Variants in MIPOL1 observed in about 807,000 individuals in gnomAD.
The protein encoded by MIPOL1 is mirror-image polydactyly gene 1 protein.
In MIPOL1, 57 loss-of-function variants were observed where a neutral mutation model predicts 60.9. The observed-to-expected ratio is 0.94, with a 90% confidence interval of 0.76 to 1.17. The LOEUF (loss-of-function observed/expected upper bound fraction) is 1.17. MIPOL1 is among the 50% of genes most tolerant of loss of function. MIPOL1 has a pLI of 0.00. For missense variants in MIPOL1, 551 were observed against 511.6 expected, an observed-to-expected ratio of 1.08 and a Z score of -0.74; for synonymous variants, 179 against 168.8, an observed-to-expected ratio of 1.06 and a Z score of -0.47.
chr14:37,551,520 A>G (rs1488538518), downstream of MIPOL1: 1 of 152,094 alleles, frequency 6.6e-6, no homozygotes. Context: ...TTGAAGAGAA[A>G]TATCATTTTT....
At chr14:37,388,432 G>A (rs1172335255) in intron 10 of MIPOL1, among the ~76,000 whole-genome samples, 1 of 150,676 alleles carries the variant, frequency 6.6e-6, no homozygotes, top group Admixed American at 6.6e-5. Context: ...TCACATAGTT[G>A]AAAAGACCAA....
intron 10 of MIPOL1, among the ~76,000 whole-genome samples, chr14:37,405,501 T>C (rs2093570017): frequency 6.6e-6 from 1 of 152,140 alleles, no homozygotes; most frequent in Non-Finnish European, 1.5e-5. Flanking sequence ...AAATCTTGCT[T>C]GGTTTATTTT....
chr14:37,216,076 A>G (rs1042757656), intron 1 of MIPOL1, among the ~76,000 whole-genome samples: 4 of 150,112 alleles, frequency 2.7e-5, no homozygotes, highest in South Asian at 2.1e-4. Flanking sequence ...AAAAAAAAAA[A>G]AAAGAAAGAA....
chr14:37,297,125 T>A (rs991093427), intron 7 of MIPOL1, among the ~76,000 whole-genome samples: 3 of 152,204 alleles, frequency 2.0e-5, no homozygotes, highest in Non-Finnish European at 2.9e-5. Flanking sequence ...GTGGGCTTCA[T>A]CCCTGGGATG....
At chr14:37,326,761 T>C (rs745697291) in intron 9 of MIPOL1, among the ~76,000 whole-genome samples, 23 of 152,334 alleles carry the variant, frequency 1.5e-4, no homozygotes, top group Non-Finnish European at 2.8e-4. Flanking sequence ...GGAAACAGGC[T>C]GACTGGTATC....
chr14:37,423,120 T>C (rs957910359), intron 11 of MIPOL1, among the ~76,000 whole-genome samples, 171 bp downstream of exon 11: 2 of 151,868 alleles, frequency 1.3e-5, no homozygotes, highest in African/African-American at 4.8e-5. Context: ...TTATTCTACC[T>C]CTTCTCTTTA....
At chr14:37,248,418 C>T (rs895064640) in intron 3 of MIPOL1, among the ~76,000 whole-genome samples, 2 of 151,262 alleles carry the variant, frequency 1.3e-5, no homozygotes, top group Admixed American at 1.3e-4. Flanking sequence ...AGAGAGATAC[C>T]GCAGTAAGAG....
In MIPOL1 at chr14:37,546,895, C is replaced by G; in HGVS notation, c.1263-10C>G. 1 of 1,612,992 alleles carries G rather than the reference C, an allele frequency of 6.2e-7. No individual in the cohort carries two copies. The highest frequency in any genetic ancestry group is 8.5e-7 in the Non-Finnish European group (1 of 1,179,336). On this transcript the variant is annotated splice_polypyrimidine_tract_variant and intron_variant, in intron 12 of 12. Transcript: ENST00000684589. ...TTCCCCTTCTCACCCCCATCCCAACCCCAACTTAGGTTGGAAAGGCTGGTG... is the reference window on the plus strand; with the variant it reads ...TTCCCCTTCTCACCCCCATCCCAACGCCAACTTAGGTTGGAAAGGCTGGTG...
intron 9 of MIPOL1, among the ~76,000 whole-genome samples, chr14:37,351,055 CCCCT>C (rs1421952047): frequency 0.027 from 1,203 of 43,864 alleles, 90 homozygotes; most frequent in African/African-American, 0.1. Context: ...CTATCCCTCC[CCCCT>C]CCCCCCACCC....
intron 3 of MIPOL1, among the ~76,000 whole-genome samples, chr14:37,257,103 G>GTA (rs1555371901): frequency 2.0e-5 from 3 of 149,732 alleles, no homozygotes; most frequent in Non-Finnish European, 4.5e-5. Context: ...TTTTGTGTGT[G>GTA]TGTGTGTGTG....
intron 10 of MIPOL1, among the ~76,000 whole-genome samples, chr14:37,409,260 A>C (rs898976712): frequency 2.0e-5 from 3 of 152,188 alleles, no homozygotes; most frequent in Admixed American, 6.5e-5. Flanking sequence ...ACACAACAAA[A>C]ACAAACAATA....
At chr14:37,465,357 A>G (rs954854817) in intron 11 of MIPOL1, among the ~76,000 whole-genome samples, 1 of 152,098 alleles carries the variant, frequency 6.6e-6, no homozygotes. Flanking sequence ...AACTAACTTA[A>G]TATGTCACTA....
At chr14:37,310,366 G>A (rs1298163154) in intron 9 of MIPOL1, among the ~76,000 whole-genome samples, 1 of 151,994 alleles carries the variant, frequency 6.6e-6, no homozygotes, top group Admixed American at 6.6e-5. Context: ...CCCCTCTAGA[G>A]GACTATTTTA....
intron 12 of MIPOL1, 55 bp downstream of exon 12, chr14:37,500,193 C>T (rs1328045458): frequency 5.0e-6 from 6 of 1,192,504 alleles, no homozygotes; most frequent in Non-Finnish European, 7.2e-6. Flanking sequence ...AAACAAAACA[C>T]TTTCTTTTGG....
chr14:37,316,976 TAAAC>T lies in MIPOL1; in HGVS notation c.828+8481_828+8484del, dbSNP rs530262345. On this transcript the variant is annotated intron_variant, in intron 9 of 12. Coordinates refer to ENST00000684589, the MANE Select transcript of MIPOL1 (RefSeq NM_001388067.1). ...CTGGGAGACAGAGCAAGACTCCATC[TAAAC>T]AAACAAACAAACAAACAAACAAAGA... Among the ~76,000 whole-genome samples the T allele has an allele frequency of 1.7e-3, 257 of 152,072 alleles. 1 individual carries two copies. The highest frequency in any genetic ancestry group is 2.6e-3 in the Non-Finnish European group (180 of 67,990).
intron 11 of MIPOL1, among the ~76,000 whole-genome samples, chr14:37,423,172 G>T (rs924121680): frequency 2.6e-5 from 4 of 151,594 alleles, no homozygotes; most frequent in Admixed American, 1.3e-4. Context: ...CATTGTAACT[G>T]AAATTTACAT....
chr14:37,257,691 A>G (rs2153372170), intron 3 of MIPOL1, among the ~76,000 whole-genome samples: 1 of 152,246 alleles, frequency 6.6e-6, no homozygotes, highest in Non-Finnish European at 1.5e-5. Context: ...TCTGCATTTA[A>G]CACACATGCA....
chr14:37,406,337 A>C (rs545584364), intron 10 of MIPOL1, among the ~76,000 whole-genome samples: 1 of 152,274 alleles, frequency 6.6e-6, no homozygotes, highest in African/African-American at 2.4e-5. Flanking sequence ...TTGGTTCAGC[A>C]TGTGTTCAGG....
At chr14:37,368,521 G>A (rs1039709619) in intron 9 of MIPOL1, among the ~76,000 whole-genome samples, 1 of 152,006 alleles carries the variant, frequency 6.6e-6, no homozygotes, top group African/African-American at 2.4e-5. Context: ...CTATCCATTT[G>A]TCAAATAATC....
Sources: gnomAD v4.1 joint callset for allele counts (sites outside exome capture counted in the v4.1 genomes callset) on GRCh38, gnomAD v4.1.1 for gene constraint, MANE v1.5 for transcripts, NCBI Gene and HGNC (gene_info 2026-07-23, HGNC 2026-07-21) for gene names.